The following PCDHGB4 variants were observed in gnomAD, a reference collection of about 807,000 sequenced individuals.
PCDHGB4 encodes the protein protocadherin gamma-B4.
Under a neutral mutation model 60.5 loss-of-function variants are expected in PCDHGB4, and 38 were observed. The ratio of observed to expected loss-of-function variants is 0.63; its 90% confidence interval spans 0.48 to 0.82. The LOEUF is 0.82. Ranked by LOEUF, PCDHGB4 falls within the 40% of genes least tolerant of loss-of-function variation. PCDHGB4 has a pLI of 0.00. For synonymous variants in PCDHGB4, 456 were observed against 509.7 expected, an observed-to-expected ratio of 0.89 and a Z score of 1.42; for missense variants, 1,109 against 1,209.6, an observed-to-expected ratio of 0.92 and a Z score of 1.23.
At chr5:141,394,493 C>G in intron 1 of PCDHGB4, 1 of 1,614,222 alleles carries the variant, frequency 6.2e-7, no homozygotes, top group Non-Finnish European at 8.5e-7. Flanking sequence ...ACAACGCGCC[C>G]GAGATCCTGT....
chr5:141,402,746 T>C (rs956909207), intron 1 of PCDHGB4, among the ~76,000 whole-genome samples: 2 of 152,224 alleles, frequency 1.3e-5, no homozygotes, highest in African/African-American at 4.8e-5. Context: ...TGATCAACTC[T>C]AAGCGAAAAT....
chr5:141,459,699 A>G (rs2098973201), intron 1 of PCDHGB4, among the ~76,000 whole-genome samples: 1 of 152,218 alleles, frequency 6.6e-6, no homozygotes, highest in Non-Finnish European at 1.5e-5. Flanking sequence ...TCCGCTTGCT[A>G]CATTTTCTCA....
At chr5:141,458,103 T>TA (rs1401283935) in intron 1 of PCDHGB4, among the ~76,000 whole-genome samples, 2 of 152,212 alleles carry the variant, frequency 1.3e-5, no homozygotes, top group Non-Finnish European at 2.9e-5. Context: ...TACTTACAGA[T>TA]AGTCTCCAAA....
chr5:141,407,027 CT>C (rs1297630291), intron 1 of PCDHGB4, among the ~76,000 whole-genome samples: 1 of 152,128 alleles, frequency 6.6e-6, no homozygotes, highest in Non-Finnish European at 1.5e-5. Context: ...AAATTCTATG[CT>C]AAACATGTGA....
intron 1 of PCDHGB4, among the ~76,000 whole-genome samples, chr5:141,406,983 A>G (rs997882236): frequency 6.6e-6 from 1 of 152,250 alleles, no homozygotes; most frequent in Non-Finnish European, 1.5e-5. Context: ...AACATTTCAC[A>G]AGACATTTGA....
chr5:141,422,359 G>A, intron 1 of PCDHGB4: 1 of 1,558,858 alleles, frequency 6.4e-7, no homozygotes, highest in Non-Finnish European at 8.6e-7. Flanking sequence ...TCAAGATTCT[G>A]GAGAAAATGG....
rs2099748032 is a variant in PCDHGB4 at position 141,493,397 on chromosome 5, G to A, written c.2398-1410G>A. ...TTAAAAGCTTGAGGACAGGAGAGGG[G>A]AGTTGCCTCTGCTGGGATTTTGCTT... On this transcript the variant is annotated intron_variant, in intron 1 of 3. Coordinates refer to ENST00000519479, the MANE Select transcript of PCDHGB4 (RefSeq NM_003736.4). This position sits in a 1 kb window ranked among gnomAD's most constrained non-coding sequence, Gnocchi z 4.3. Among the ~76,000 whole-genome samples the A allele has an allele frequency of 6.6e-6, 1 of 152,176 alleles. No individual in the cohort carries two copies. Among genetic ancestry groups the A allele is most frequent in the Non-Finnish European group, 1.5e-5 (1 of 68,040 alleles).
intron 1 of PCDHGB4, chr5:141,408,220 G>T: frequency 6.4e-7 from 1 of 1,558,994 alleles, no homozygotes; most frequent in Admixed American, 1.9e-5. Flanking sequence ...GGAGCTGCGC[G>T]CAGAGGCGCC....
intron 2 of PCDHGB4, 119 bp from the exon 3 acceptor site, chr5:141,505,274 C>T: frequency 6.6e-7 from 1 of 1,524,344 alleles, no homozygotes; most frequent in East Asian, 2.3e-5. Flanking sequence ...CTGAGAGAAA[C>T]AGGTCTTGGG....
chr5:141,494,790 C>A lies in PCDHGB4; in HGVS notation c.2398-17C>A, dbSNP rs909145. 17 of 1,614,014 alleles carry A rather than the reference C, an allele frequency of 1.1e-5. 1 individual carries two copies. The South Asian group carries it at 1.9e-4, about 18-fold the overall frequency. ...TCTCACGGGTACTCAGCCCCTTTCC[C>A]TCTGTTTTCTCCACAGCAAGCCCCG... On this transcript the variant is annotated splice_polypyrimidine_tract_variant and intron_variant, in intron 1 of 3. Transcript: ENST00000519479.
intron 1 of PCDHGB4, chr5:141,404,498 G>A (rs1237860716): frequency 6.2e-7 from 1 of 1,613,878 alleles, no homozygotes; most frequent in East Asian, 2.2e-5. Context: ...TGTGCTGTAT[G>A]CTCTGTGCTC....
intron 1 of PCDHGB4, among the ~76,000 whole-genome samples, chr5:141,461,366 A>G (rs1186381077): frequency 6.6e-6 from 1 of 151,964 alleles, no homozygotes; most frequent in Non-Finnish European, 1.5e-5. Flanking sequence ...TTGTGGTTTT[A>G]ATTTGCATTT....
rs1338955892 is a variant in PCDHGB4, at chr5:141,502,521, T to C, written c.2457-2872T>C. 5.9e-5 allele frequency among the ~76,000 whole-genome samples: 9 copies of C among 152,338 alleles called. No homozygotes were observed. In the East Asian group the frequency reaches 1.7e-3, roughly 29 times the overall value. The stretch of plus-strand genomic sequence containing the variant: ...CGTCGGCCTGTCCCACTATCAGTGA[T>C]GCCGAGTTTGTTCGTGTGGTAAAAA... On this transcript the variant is annotated intron_variant, in intron 2 of 3. Transcript: ENST00000519479.
chr5:141,454,097 C>T (rs1021353610), intron 1 of PCDHGB4, among the ~76,000 whole-genome samples: 10 of 152,292 alleles, frequency 6.6e-5, no homozygotes, highest in Middle Eastern at 3.4e-3. Flanking sequence ...TTGAATTGAA[C>T]ATAAATGGAG....
intron 1 of PCDHGB4, chr5:141,393,518 A>C: frequency 6.2e-7 from 1 of 1,614,030 alleles, no homozygotes; most frequent in Non-Finnish European, 8.5e-7. Context: ...TGTTGGATAC[A>C]AATGACAATG....
chr5:141,483,589 G>A (rs189449393), intron 1 of PCDHGB4, among the ~76,000 whole-genome samples: 17 of 152,214 alleles, frequency 1.1e-4, no homozygotes, highest in Admixed American at 1.1e-3. Context: ...ACACCTAATA[G>A]GTCAGGCTGG....
chr5:141,412,040 G>A (rs1046669003), intron 1 of PCDHGB4: 1 of 152,230 alleles, frequency 6.6e-6, no homozygotes, highest in African/African-American at 2.4e-5. Flanking sequence ...TGTGAAAGAA[G>A]TGAACTTCTA....
rs2099883943 is a variant in PCDHGB4, at chr5:141,511,766, G to A, written c.*593G>A. ...TGGAGGACATGATCACCATCCCCAT[G>A]GTACTGATGCTTGCTGGATTTAGGG... On this transcript the variant is annotated 3_prime_UTR_variant, in exon 4 of 4. Coordinates refer to ENST00000519479, the MANE Select transcript of PCDHGB4 (RefSeq NM_003736.4). 2 of 161,712 alleles carry A rather than the reference G, an allele frequency of 1.2e-5. No homozygotes were observed. Among genetic ancestry groups the A allele is most frequent in the Non-Finnish European group, 2.8e-5 (2 of 72,704 alleles). The allele number at this position is 161,712 out of a possible 1,614,324, so 10.0% of individuals were successfully genotyped here.
At chr5:141,390,649 G>A in intron 1 of PCDHGB4, 1 of 210,770 alleles carries the variant, frequency 4.7e-6, no homozygotes, top group Non-Finnish European at 9.4e-6. Flanking sequence ...TTTTCAGCTT[G>A]GATATACCAT....
Sources: allele counts gnomAD v4.1 joint callset (sites outside exome capture counted in the v4.1 genomes callset), GRCh38; gene constraint gnomAD v4.1.1; non-coding constraint Gnocchi (gnomAD v3.1); transcripts MANE v1.5; gene names NCBI Gene and HGNC (gene_info 2026-07-23, HGNC 2026-07-21).